CFAP52: variants seen among roughly 807,000 people sequenced by gnomAD.
CFAP52 encodes cilia- and flagella-associated protein 52.
A neutral mutation model predicts 70.5 loss-of-function variants in CFAP52; 57 were observed. The ratio of observed to expected loss-of-function variants is 0.81; its 90% CI spans 0.65 to 1.01. The LOEUF (loss-of-function observed/expected upper bound fraction) is 1.01. Among genes scored for constraint, CFAP52 ranks in the 50% least tolerant of loss-of-function variants. The pLI is 0.00. For missense variants in CFAP52, 785 were observed against 788.5 expected, an observed-to-expected ratio of 1.00 and a Z score of 0.05; for synonymous variants, 267 against 292.5, an observed-to-expected ratio of 0.91 and a Z score of 0.89.
At chr17:9,643,685 T>C (rs1480783651), downstream of CFAP52, among the ~76,000 whole-genome samples, 4 of 152,190 alleles carry the variant, frequency 2.6e-5, no homozygotes, top group Non-Finnish European at 5.9e-5. Context: ...AAGAGTAAGT[T>C]CCTGCTCAAA....
intron 1 of CFAP52, among the ~76,000 whole-genome samples, chr17:9,585,497 T>C (rs541281228): frequency 6.6e-6 from 1 of 152,098 alleles, no homozygotes; most frequent in South Asian, 2.1e-4. Flanking sequence ...TGAAACCCCG[T>C]CTCTACTAAA....
intron 6 of CFAP52, among the ~76,000 whole-genome samples, chr17:9,605,763 T>C (rs969457058): frequency 7.3e-6 from 1 of 137,658 alleles, no homozygotes; most frequent in African/African-American, 2.8e-5. Flanking sequence ...GAGGAGTGAA[T>C]GGGTAAAGCA....
At chr17:9,610,929 TAGC>T (rs1909690069) in intron 7 of CFAP52, among the ~76,000 whole-genome samples, 1 of 152,226 alleles carries the variant, frequency 6.6e-6, no homozygotes, top group Non-Finnish European at 1.5e-5. Flanking sequence ...ATCTGTGGGC[TAGC>T]AACAGATATA....
At chr17:9,595,034 G>A (rs886085331) in intron 4 of CFAP52, among the ~76,000 whole-genome samples, 2 of 151,762 alleles carry the variant, frequency 1.3e-5, no homozygotes, top group African/African-American at 4.8e-5. Flanking sequence ...GGGATTACAG[G>A]TGCCCGCCAA....
chr17:9,631,209 T>G (rs1019490642), intron 9 of CFAP52, among the ~76,000 whole-genome samples: 2 of 151,932 alleles, frequency 1.3e-5, no homozygotes, highest in African/African-American at 2.4e-5. Context: ...CATGTGAATT[T>G]CTGTCCTCCT....
chr17:9,622,087 A>T (rs1910062589), intron 8 of CFAP52, among the ~76,000 whole-genome samples: 1 of 152,176 alleles, frequency 6.6e-6, no homozygotes, highest in South Asian at 2.1e-4. Context: ...AAAAGGCAAG[A>T]GTCTCAGCAT....
chr17:9,640,405 C>A (rs1057417194), intron 12 of CFAP52, among the ~76,000 whole-genome samples: 1 of 151,278 alleles, frequency 6.6e-6, no homozygotes, highest in Non-Finnish European at 1.5e-5. Context: ...CACCCACCAC[C>A]CCCCGACAGG....
intron 8 of CFAP52, among the ~76,000 whole-genome samples, chr17:9,615,057 A>C (rs28577148): frequency 0.011 from 1,721 of 152,338 alleles, 27 homozygotes; most frequent in African/African-American, 0.039. Context: ...TAACTTTCTA[A>C]AAGGAGATTT....
intron 9 of CFAP52, among the ~76,000 whole-genome samples, chr17:9,629,733 C>T (rs1461344748): frequency 6.6e-6 from 1 of 151,448 alleles, no homozygotes; most frequent in African/African-American, 2.4e-5. Flanking sequence ...GGACTACAGG[C>T]GTGTGTCATC....
At chr17:9,587,996 A>C (rs1055316668) in intron 3 of CFAP52, among the ~76,000 whole-genome samples, 9 of 152,184 alleles carry the variant, frequency 5.9e-5, no homozygotes, top group African/African-American at 2.2e-4. Flanking sequence ...ACCTTCCAAG[A>C]GTCCGATTTG....
intron 6 of CFAP52, among the ~76,000 whole-genome samples, chr17:9,600,428 A>C (rs1336581195): frequency 1.3e-5 from 2 of 152,014 alleles, no homozygotes; most frequent in Non-Finnish European, 2.9e-5. Context: ...TTTTTAGTAC[A>C]GACAGGGTTT....
intron 1 of CFAP52, among the ~76,000 whole-genome samples, chr17:9,583,988 G>A (rs75992562): frequency 1.2e-3 from 186 of 152,320 alleles, no homozygotes; most frequent in African/African-American, 3.6e-3. Context: ...CCACCTCACC[G>A]AGTTGAGTCT....
At chr17:9,641,313 A>T (rs926188139) in intron 12 of CFAP52, among the ~76,000 whole-genome samples, 6 of 152,176 alleles carry the variant, frequency 3.9e-5, no homozygotes, top group African/African-American at 1.4e-4. Flanking sequence ...TGTACAGCCC[A>T]GTCTCTAGAA....
At chr17:9,597,319 G>A (rs1909059680) in intron 4 of CFAP52, among the ~76,000 whole-genome samples, 1 of 152,088 alleles carries the variant, frequency 6.6e-6, no homozygotes, top group South Asian at 2.1e-4. Flanking sequence ...ATCATGGTGA[G>A]TATAGTTCGT....
intron 8 of CFAP52, among the ~76,000 whole-genome samples, chr17:9,623,065 A>G (rs535801662): frequency 2.7e-4 from 41 of 152,276 alleles, no homozygotes; most frequent in African/African-American, 6.5e-4. Flanking sequence ...TCAGGCAATG[A>G]ATGTAGAGTT....
At chr17:9,582,676 A>G (rs1205371541) in intron 1 of CFAP52, among the ~76,000 whole-genome samples, 2 of 152,174 alleles carry the variant, frequency 1.3e-5, no homozygotes, top group African/African-American at 4.8e-5. Flanking sequence ...TCACTCTGTC[A>G]CCCAGGCTGG....
intron 8 of CFAP52, among the ~76,000 whole-genome samples, chr17:9,624,663 G>A (rs938454578): frequency 6.6e-6 from 1 of 151,952 alleles, no homozygotes; most frequent in Non-Finnish European, 1.5e-5. Context: ...CCAGTACCTG[G>A]GTCTACTTGG....
chr17:9,600,920 G>A (rs1203207207), intron 6 of CFAP52, among the ~76,000 whole-genome samples: 1 of 152,050 alleles, frequency 6.6e-6, no homozygotes, highest in Non-Finnish European at 1.5e-5. Flanking sequence ...ATTTCTAGGT[G>A]TCCTGAATTA....
chr17:9,598,183 T>G (rs764605349), intron 4 of CFAP52, 51 bp from the exon 5 acceptor site: 15 of 1,419,042 alleles, frequency 1.1e-5, no homozygotes, highest in Middle Eastern at 2.1e-4. Flanking sequence ...GAAGTGATTA[T>G]TAAATGGGTG....
Sources: allele counts gnomAD v4.1 joint callset (sites outside exome capture counted in the v4.1 genomes callset), GRCh38; gene constraint gnomAD v4.1.1; transcripts MANE v1.5; gene names NCBI Gene and HGNC (gene_info 2026-07-23, HGNC 2026-07-21).